MAP2: variants seen among roughly 807,000 people sequenced by gnomAD.
MAP2 encodes microtubule-associated protein 2.
In MAP2, 14 loss-of-function variants were observed where a neutral mutation model predicts 137.6. The ratio of observed to expected loss-of-function variants is 0.10; its 90% CI spans 0.07 to 0.16. The LOEUF (loss-of-function observed/expected upper bound fraction) is 0.16. Among genes scored for constraint, MAP2 ranks in the 10% least tolerant of loss-of-function variants. MAP2 has a pLI of 1.00. For missense variants in MAP2, 2,088 were observed against 2,191.5 expected, an observed-to-expected ratio of 0.95 and a Z score of 0.94; for synonymous variants, 786 against 782.3, an observed-to-expected ratio of 1.00 and a Z score of -0.08.
At chr2:209,620,904 C>T (rs1327639338) in intron 3 of MAP2, among the ~76,000 whole-genome samples, 1 of 152,082 alleles carries the variant, frequency 6.6e-6, no homozygotes, top group Non-Finnish European at 1.5e-5. Context: ...TTTAGAAACA[C>T]TATTCGGAGG....
Position 209,700,345 on chromosome 2 carries a change from A to C in MAP2, c.4584+7A>C, listed in dbSNP as rs2061443447. ...GGCAAAGGACAAAGTCTCTGTGAGT[A>C]AAATAAGTTTTTCCTTGTTCTTCAT... On this transcript the variant is annotated splice_region_variant and intron_variant, in intron 11 of 15. Coordinates refer to ENST00000682079, the MANE Select transcript of MAP2 (RefSeq NM_001375505.1). 2 of 1,607,966 alleles carry C rather than the reference A, an allele frequency of 1.2e-6. No homozygotes were observed. The highest frequency in any genetic ancestry group is 1.7e-6 in the Non-Finnish European group (2 of 1,176,468).
At chr2:209,686,448 A>AT (rs1277007821) in intron 7 of MAP2, among the ~76,000 whole-genome samples, 1 of 152,216 alleles carries the variant, frequency 6.6e-6, no homozygotes, top group African/African-American at 2.4e-5. Context: ...TAATGCTATA[A>AT]TTTTGTCTTC....
chr2:209,526,483 GGTTT>G (rs2064070049), intron 2 of MAP2, among the ~76,000 whole-genome samples: 2 of 150,454 alleles, frequency 1.3e-5, no homozygotes, highest in Admixed American at 1.3e-4. Context: ...TTCGTTTTTT[GGTTT>G]GTTTCTTTAT....
intron 3 of MAP2, among the ~76,000 whole-genome samples, chr2:209,598,584 G>A (rs1189922794): frequency 2.8e-5 from 4 of 143,164 alleles, no homozygotes; most frequent in Admixed American, 2.1e-4. Flanking sequence ...ATCTCCCAAT[G>A]CTATCCCTCC....
At chr2:209,444,271 G>A (rs1698516526) in intron 1 of MAP2, among the ~76,000 whole-genome samples, 2 of 151,452 alleles carry the variant, frequency 1.3e-5, no homozygotes, top group South Asian at 4.1e-4. Flanking sequence ...TGAAATGTAT[G>A]TGTCTCTCTA....
At chr2:209,537,068 C>G (rs2066070730) in intron 2 of MAP2, among the ~76,000 whole-genome samples, 1 of 152,046 alleles carries the variant, frequency 6.6e-6, no homozygotes, top group Admixed American at 6.6e-5. Flanking sequence ...CTTTATTGTG[C>G]TTCACAGATA....
intron 3 of MAP2, among the ~76,000 whole-genome samples, chr2:209,590,639 A>G (rs2079009417): frequency 6.6e-6 from 1 of 152,170 alleles, no homozygotes; most frequent in Non-Finnish European, 1.5e-5. Flanking sequence ...CTGGCCTCAA[A>G]TTAATAAAAA....
At chr2:209,656,743 G>A (rs558833073) in intron 5 of MAP2, among the ~76,000 whole-genome samples, 49 of 152,104 alleles carry the variant, frequency 3.2e-4, no homozygotes, top group Admixed American at 2.1e-3. Flanking sequence ...AGTCTAAAGC[G>A]TAATTTTTAT....
intron 1 of MAP2, among the ~76,000 whole-genome samples, chr2:209,474,144 G>A (rs1358518160): frequency 6.6e-6 from 1 of 152,068 alleles, no homozygotes; most frequent in Admixed American, 6.6e-5. Flanking sequence ...ACCAAGGGGA[G>A]CTTGAGATAT....
intron 2 of MAP2, among the ~76,000 whole-genome samples, chr2:209,562,188 G>A (rs1385875429): frequency 1.3e-5 from 2 of 152,088 alleles, no homozygotes; most frequent in African/African-American, 4.8e-5. Flanking sequence ...AAGAAAGTGT[G>A]CTTTAACTCT....
intron 1 of MAP2, among the ~76,000 whole-genome samples, chr2:209,503,290 C>A (rs1244527320): frequency 6.6e-6 from 1 of 152,138 alleles, no homozygotes; most frequent in Non-Finnish European, 1.5e-5. Flanking sequence ...CATGAGCCCC[C>A]ACGCCCAGCC....
chr2:209,464,524 G>A (rs1575452906), intron 1 of MAP2, among the ~76,000 whole-genome samples: 1 of 152,188 alleles, frequency 6.6e-6, no homozygotes, highest in East Asian at 1.9e-4. Context: ...ACGCTTGAAG[G>A]TGACATTGTT....
At chr2:209,472,141 T>G (rs1575604400) in intron 1 of MAP2, among the ~76,000 whole-genome samples, 1 of 152,180 alleles carries the variant, frequency 6.6e-6, no homozygotes, top group African/African-American at 2.4e-5. Flanking sequence ...ATGGGATACA[T>G]AAAAATAAAA....
In MAP2 at chr2:209,575,311, G is replaced by A. The variant is rs186745200; in HGVS notation, c.-171-4725G>A. 6.2e-3 allele frequency among the ~76,000 whole-genome samples: 948 copies of A among 152,034 alleles called. 10 individuals carry two copies. The highest frequency in any genetic ancestry group is 0.022 in the African/African-American group (911 of 41,496). On this transcript the variant is annotated intron_variant, in intron 2 of 15. Transcript: ENST00000682079. ...CCAAGGCGGGCGGATCACGAGGTCAGAAGATCGAGACCATCCTGGCTAACA... is the reference window on the plus strand; with the variant it reads ...CCAAGGCGGGCGGATCACGAGGTCAAAAGATCGAGACCATCCTGGCTAACA...
At chr2:209,444,884 A>G (rs1698685149) in intron 1 of MAP2, among the ~76,000 whole-genome samples, 1 of 151,360 alleles carries the variant, frequency 6.6e-6, no homozygotes, top group South Asian at 2.1e-4. Flanking sequence ...TCACACTTTC[A>G]AAAAGAAATG....
At chr2:209,480,745 A>G (rs1708529938) in intron 1 of MAP2, among the ~76,000 whole-genome samples, 1 of 152,192 alleles carries the variant, frequency 6.6e-6, no homozygotes, top group South Asian at 2.1e-4. Context: ...GTTTAGACGA[A>G]AATATTAATG....
intron 1 of MAP2, among the ~76,000 whole-genome samples, chr2:209,429,380 C>G (rs560398925): frequency 6.0e-4 from 65 of 107,796 alleles, no homozygotes; most frequent in African/African-American, 3.2e-3. Context: ...CATGGTTCAA[C>G]TAGTTTTTTT....
chr2:209,552,634 G>A (rs1488186080), intron 2 of MAP2, among the ~76,000 whole-genome samples: 9 of 152,004 alleles, frequency 5.9e-5, no homozygotes, highest in African/African-American at 2.2e-4. Flanking sequence ...AGGCCGAGGC[G>A]GGTGGATCAC....
At chr2:209,458,144 A>T (rs1701978726) in intron 1 of MAP2, among the ~76,000 whole-genome samples, 1 of 152,148 alleles carries the variant, frequency 6.6e-6, no homozygotes, top group Non-Finnish European at 1.5e-5. Context: ...AATAAAGTAG[A>T]ATCATTGTAA....
Sources: gnomAD v4.1 joint callset for allele counts (sites outside exome capture counted in the v4.1 genomes callset) on GRCh38, gnomAD v4.1.1 for gene constraint, MANE v1.5 for transcripts, NCBI Gene and HGNC (gene_info 2026-07-23, HGNC 2026-07-21) for gene names.